Variants in BANF2 observed in about 807,000 individuals in gnomAD.
BANF2 encodes the protein barrier-to-autointegration factor-like protein.
Under a neutral mutation model 8.0 loss-of-function variants are expected in BANF2, and 4 were observed. The observed-to-expected ratio is 0.50, with a 90% CI of 0.25 to 1.14. The LOEUF is 1.14. Among genes scored for constraint, BANF2 ranks in the 50% most tolerant of loss-of-function variants. BANF2 has a pLI of 0.16. For synonymous variants in BANF2, 50 were observed against 40.6 expected (o/e 1.23, Z -0.88); for missense variants, 96 against 107.5 (o/e 0.89, Z 0.47).
At position 17,721,854 on chromosome 20, in the gene BANF2, T is replaced by C. The variant is rs1395351588; in HGVS notation, c.-166-862T>C. 2.0e-5 allele frequency among the ~76,000 whole-genome samples: 3 copies of C among 152,368 alleles called. No individual in the cohort carries two copies. In the East Asian group the frequency reaches 5.8e-4, roughly 29 times the overall value. On this transcript the variant is annotated intron_variant, in intron 1 of 3. Transcript: ENST00000246090. ...GTTTCAGACCACATGGGGCAGGATT[T>C]TTCATTACTTATAGCCCAGGGTTTC...
At chr20:17,715,544 G>A (rs2037639769) in intron 1 of BANF2, among the ~76,000 whole-genome samples, 1 of 152,216 alleles carries the variant, frequency 6.6e-6, no homozygotes, top group Non-Finnish European at 1.5e-5. Context: ...CGGAGCTAAC[G>A]GCAAGGAAGG....
chr20:17,701,340 C>T lies in BANF2; in HGVS notation c.-167+1285C>T, dbSNP rs549518061. Among the ~76,000 whole-genome samples, 276 of 152,286 alleles carry T rather than the reference C, an allele frequency of 1.8e-3. 4 individuals carry two copies. Among genetic ancestry groups the T allele is most frequent in the Middle Eastern group, 3.4e-3 (1 of 294 alleles). Reference sequence around the variant, plus strand: ...CCAGCTATGTTATTGCTCTTAATTCCGACCTCTGTGAAGCAGGTGTTCTCA... The same window carrying T: ...CCAGCTATGTTATTGCTCTTAATTCTGACCTCTGTGAAGCAGGTGTTCTCA... On this transcript the variant is annotated intron_variant, in intron 1 of 3. Coordinates refer to ENST00000246090, the MANE Select transcript of BANF2 (RefSeq NM_178477.5).
intron 1 of BANF2, among the ~76,000 whole-genome samples, chr20:17,704,691 T>C (rs1361431020): frequency 2.0e-5 from 3 of 152,188 alleles, no homozygotes; most frequent in Admixed American, 2.0e-4. Flanking sequence ...CCTTGTAAAA[T>C]TGGTGGAATG....
At position 17,700,013 on chromosome 20, in the gene BANF2, TG is replaced by T; in HGVS notation, c.-208del. The T allele has an allele frequency of 1.0e-6, 1 of 985,390 alleles. No individual in the cohort carries two copies. The highest frequency in any genetic ancestry group is 1.2e-6 in the Non-Finnish European group (1 of 829,878). The allele number at this position is 985,390 out of a possible 1,614,324, so 61.0% of individuals were successfully genotyped here. Reference sequence around the variant, plus strand: ...CCTGCAGTTCCAGATCCAAGGTGACTGAGACAAACTGCCAGCTGCCACTGGC... The same window carrying T: ...CCTGCAGTTCCAGATCCAAGGTGACTAGACAAACTGCCAGCTGCCACTGGC... On this transcript the variant is annotated 5_prime_UTR_variant, in exon 1 of 4. Coordinates refer to ENST00000246090, the MANE Select transcript of BANF2 (RefSeq NM_178477.5).
chr20:17,723,761 G>A (rs1370981665), intron 2 of BANF2, among the ~76,000 whole-genome samples: 6 of 152,216 alleles, frequency 3.9e-5, no homozygotes, highest in East Asian at 1.9e-4. Context: ...TTGGGAGACC[G>A]AGGTGGGTGG....
intron 3 of BANF2, among the ~76,000 whole-genome samples, chr20:17,734,707 G>C (rs1337846382): frequency 6.6e-6 from 1 of 152,130 alleles, no homozygotes; most frequent in Admixed American, 6.5e-5. Flanking sequence ...TAGAGATCAG[G>C]GGTGCTGCTG....
upstream of BANF2, among the ~76,000 whole-genome samples, chr20:17,698,263 T>G (rs2037367674): frequency 6.6e-6 from 1 of 152,108 alleles, no homozygotes; most frequent in African/African-American, 2.4e-5. Flanking sequence ...CCTTGCCTTG[T>G]TCCCACTCTT....
chr20:17,724,953 C>T, intron 2 of BANF2, 70 bp from the exon 3 acceptor site: 1 of 1,469,658 alleles, frequency 6.8e-7, no homozygotes, highest in Non-Finnish European at 9.3e-7. Flanking sequence ...GAGGGAGTTC[C>T]CCAGTGTCCA....
chr20:17,727,876 C>G (rs1222964954), intron 3 of BANF2, among the ~76,000 whole-genome samples: 1 of 152,142 alleles, frequency 6.6e-6, no homozygotes, highest in Non-Finnish European at 1.5e-5. Flanking sequence ...GTAGCTAAGA[C>G]TAGAGGCACG....
At chr20:17,729,741 AG>A (rs1245978826) in intron 3 of BANF2, among the ~76,000 whole-genome samples, 1 of 152,220 alleles carries the variant, frequency 6.6e-6, no homozygotes, top group Non-Finnish European at 1.5e-5. Flanking sequence ...GTCTCAAAAA[AG>A]AAAAAGGTGG....
chr20:17,735,330 G>A (rs1192076768), intron 3 of BANF2, among the ~76,000 whole-genome samples: 1 of 152,106 alleles, frequency 6.6e-6, no homozygotes, highest in Admixed American at 6.5e-5. Flanking sequence ...AGAAATGCAG[G>A]CCTCTCCCTG....
Position 17,735,646 on chromosome 20 carries a change from T to C in BANF2, c.127-19T>C. 6.2e-7 allele frequency: 1 copy of C among 1,611,286 alleles called. No homozygotes were observed. The highest frequency in any genetic ancestry group is 8.5e-7 in the Non-Finnish European group (1 of 1,177,864). On this transcript the variant is annotated intron_variant, in intron 3 of 3. Coordinates refer to ENST00000246090, the MANE Select transcript of BANF2 (RefSeq NM_178477.5). The stretch of plus-strand genomic sequence containing the variant: ...TGATAACCTTTCCTGCTTTCCTCCC[T>C]GTCTCATCCCCTCCCCAGGCCTACA...
intron 1 of BANF2, among the ~76,000 whole-genome samples, chr20:17,716,841 CAAAAAAA>C (rs36007590): frequency 1.1e-5 from 1 of 89,906 alleles, no homozygotes; most frequent in African/African-American, 4.4e-5. Context: ...GACTCCATCT[CAAAAAAA>C]AAAAAAAAAA....
intron 3 of BANF2, among the ~76,000 whole-genome samples, chr20:17,731,820 A>G (rs2037901083): frequency 6.7e-6 from 1 of 148,152 alleles, no homozygotes; most frequent in Admixed American, 6.8e-5. Flanking sequence ...TAATCCCAGC[A>G]CTTTGGGAGG....
intron 1 of BANF2, among the ~76,000 whole-genome samples, chr20:17,714,152 G>T (rs1303733016): frequency 3.9e-5 from 5 of 129,510 alleles, no homozygotes; most frequent in African/African-American, 9.2e-5. Context: ...AGCCGAGATT[G>T]TACCACTGCA....
At chr20:17,707,515 G>T (rs867135158) in intron 1 of BANF2, among the ~76,000 whole-genome samples, 2 of 152,254 alleles carry the variant, frequency 1.3e-5, no homozygotes, top group African/African-American at 4.8e-5. Context: ...CACAGGGAAG[G>T]TCAGAACATG....
At chr20:17,723,614 G>A (rs927944936) in intron 2 of BANF2, among the ~76,000 whole-genome samples, 4 of 152,334 alleles carry the variant, frequency 2.6e-5, no homozygotes, top group Admixed American at 2.6e-4. Flanking sequence ...GTACCAGGAA[G>A]GGGATGCTAC....
intron 3 of BANF2, among the ~76,000 whole-genome samples, chr20:17,732,225 T>C (rs2037908059): frequency 1.3e-5 from 2 of 152,262 alleles, no homozygotes; most frequent in South Asian, 4.1e-4. Context: ...AACCCTGGCA[T>C]AGGCTCAAAC....
intron 1 of BANF2, among the ~76,000 whole-genome samples, chr20:17,719,435 G>A (rs550142653): frequency 6.6e-6 from 1 of 152,106 alleles, no homozygotes; most frequent in East Asian, 1.9e-4. Flanking sequence ...CCTGGGCCAG[G>A]TGCATCGTCT....
Sources: allele counts gnomAD v4.1 joint callset (sites outside exome capture counted in the v4.1 genomes callset), GRCh38; gene constraint gnomAD v4.1.1; transcripts MANE v1.5; gene names NCBI Gene and HGNC (gene_info 2026-07-23, HGNC 2026-07-21).